Variants in CNTN5 observed in about 807,000 individuals in gnomAD.
The protein encoded by CNTN5 is contactin 5, also known as contactin-5.
In CNTN5, 77 loss-of-function variants were observed where a neutral mutation model predicts 129.1. The observed-to-expected ratio is 0.60, with a 90% CI of 0.50 to 0.72. CNTN5 has a LOEUF of 0.72. Ranked by LOEUF, CNTN5 falls within the 30% of genes least tolerant of loss-of-function variation. The pLI, the probability that CNTN5 is intolerant of heterozygous loss-of-function variation, is 0.00. For missense variants in CNTN5, 1,478 were observed against 1,328.8 expected (o/e 1.11, Z -1.75); for synonymous variants, 509 against 465.6 (o/e 1.09, Z -1.20).
At chr11:100,345,079 T>C (rs1424219899) in intron 23 of CNTN5, among the ~76,000 whole-genome samples, 2 of 152,122 alleles carry the variant, frequency 1.3e-5, no homozygotes, top group Non-Finnish European at 2.9e-5. Context: ...GAAAGCACTG[T>C]CTTAGTCCTT....
intron 3 of CNTN5, among the ~76,000 whole-genome samples, chr11:99,741,866 T>C (rs1253049489): frequency 2.0e-5 from 3 of 152,166 alleles, no homozygotes; most frequent in African/African-American, 7.2e-5. Flanking sequence ...TATATAGACA[T>C]GTGAACAGTT....
At chr11:100,161,587 A>ATAGAC (rs1272512923) in intron 13 of CNTN5, among the ~76,000 whole-genome samples, 1 of 151,386 alleles carries the variant, frequency 6.6e-6, no homozygotes, top group Non-Finnish European at 1.5e-5. Context: ...CTGACTTCAC[A>ATAGAC]TAGACAGTAG....
At chr11:99,263,163 A>G (rs535107204) in intron 1 of CNTN5, among the ~76,000 whole-genome samples, 1 of 152,188 alleles carries the variant, frequency 6.6e-6, no homozygotes, top group Admixed American at 6.6e-5. Context: ...GATATATCAG[A>G]TGGTTTTTAT....
chr11:99,389,224 C>A (rs1456869776), intron 2 of CNTN5, among the ~76,000 whole-genome samples: 1 of 151,742 alleles, frequency 6.6e-6, no homozygotes, highest in Non-Finnish European at 1.5e-5. Flanking sequence ...AGACAAGTTT[C>A]ACCATGTTGA....
intron 3 of CNTN5, among the ~76,000 whole-genome samples, chr11:99,560,429 T>A (rs1011899309): frequency 6.6e-6 from 1 of 151,990 alleles, no homozygotes; most frequent in East Asian, 1.9e-4. Context: ...GTAGCTGGGA[T>A]TACAGATGTG....
At chr11:99,406,796 A>G (rs1942090610) in intron 2 of CNTN5, among the ~76,000 whole-genome samples, 1 of 151,962 alleles carries the variant, frequency 6.6e-6, no homozygotes, top group African/African-American at 2.4e-5. Context: ...CTTCTCTCCC[A>G]TTTTCAAAGG....
chr11:99,788,951 C>A lies in CNTN5; in HGVS notation c.56-30593C>A, dbSNP rs576823546. 7.2e-5 allele frequency among the ~76,000 whole-genome samples: 11 copies of A among 151,842 alleles called. 1 individual carries two copies. The South Asian group carries it at 2.3e-3, about 32-fold the overall frequency. On this transcript the variant is annotated intron_variant, in intron 3 of 24. Coordinates refer to ENST00000524871, the MANE Select transcript of CNTN5 (RefSeq NM_014361.4). ...CTGAAAAAACGTTTCCAATAAGAGC[C>A]TCTCAAAATCTAGTAGCTTAATATT...
intron 1 of CNTN5, among the ~76,000 whole-genome samples, chr11:99,266,464 T>G (rs969012626): frequency 6.6e-6 from 1 of 152,014 alleles, no homozygotes; most frequent in Non-Finnish European, 1.5e-5. Context: ...TATCCAGGCA[T>G]GGTGGCATGC....
Position 99,484,489 on chromosome 11 carries a change from T to C in CNTN5, c.-70-71656T>C, listed in dbSNP as rs138900081. 5.9e-5 allele frequency among the ~76,000 whole-genome samples: 9 copies of C among 152,262 alleles called. No homozygotes were observed. The East Asian group carries it at 1.7e-3, about 29-fold the overall frequency. Reference sequence around the variant, plus strand: ...GCATGAAAATTCCTCAGAAAAACTATAAACAGTGTTACCATTTGATCTAGC... The same window carrying C: ...GCATGAAAATTCCTCAGAAAAACTACAAACAGTGTTACCATTTGATCTAGC... On this transcript the variant is annotated intron_variant, in intron 2 of 24. Coordinates refer to ENST00000524871, the MANE Select transcript of CNTN5 (RefSeq NM_014361.4).
At chr11:99,042,415 C>T (rs1481143552) in intron 1 of CNTN5, among the ~76,000 whole-genome samples, 1 of 135,436 alleles carries the variant, frequency 7.4e-6, no homozygotes, top group Non-Finnish European at 1.5e-5. Flanking sequence ...CTCTCTGTCA[C>T]CCCAGGCTGG....
chr11:99,528,939 C>A (rs1947593185), intron 2 of CNTN5, among the ~76,000 whole-genome samples: 2 of 138,380 alleles, frequency 1.4e-5, no homozygotes, highest in South Asian at 4.8e-4. Flanking sequence ...GTGGTGCATG[C>A]CCATAATACC....
At chr11:99,899,632 T>C (rs758611821) in intron 6 of CNTN5, among the ~76,000 whole-genome samples, 20 of 152,060 alleles carry the variant, frequency 1.3e-4, no homozygotes, top group Non-Finnish European at 2.8e-4. Flanking sequence ...TTTGCTAGTG[T>C]TTTGTTGAGG....
At chr11:99,052,546 A>T (rs1864470189) in intron 1 of CNTN5, among the ~76,000 whole-genome samples, 2 of 152,064 alleles carry the variant, frequency 1.3e-5, no homozygotes, top group Admixed American at 6.6e-5. Flanking sequence ...GTTTGTGCAT[A>T]CAACACTGAA....
intron 2 of CNTN5, among the ~76,000 whole-genome samples, chr11:99,369,219 T>TAA (rs1939672931): frequency 6.8e-6 from 1 of 146,274 alleles, no homozygotes; most frequent in South Asian, 2.1e-4. Context: ...TTATATATAA[T>TAA]ATATATATAT....
At chr11:99,734,995 G>A (rs1163583859) in intron 3 of CNTN5, among the ~76,000 whole-genome samples, 1 of 147,020 alleles carries the variant, frequency 6.8e-6, no homozygotes, top group Non-Finnish European at 1.5e-5. Context: ...GGGAAAGAGC[G>A]AGACTCCGTC....
chr11:99,923,488 T>C (rs1949985227), intron 7 of CNTN5, among the ~76,000 whole-genome samples: 1 of 152,204 alleles, frequency 6.6e-6, no homozygotes, highest in Non-Finnish European at 1.5e-5. Context: ...TCTACATAAA[T>C]AAGTCATTTA....
chr11:99,542,216 T>C (rs554529556), intron 2 of CNTN5, among the ~76,000 whole-genome samples: 1 of 152,108 alleles, frequency 6.6e-6, no homozygotes, highest in Non-Finnish European at 1.5e-5. Flanking sequence ...TCTAGCAATT[T>C]ATTGTTGACT....
chr11:99,261,964 A>G (rs1468269605), intron 1 of CNTN5, among the ~76,000 whole-genome samples: 1 of 151,994 alleles, frequency 6.6e-6, no homozygotes, highest in African/African-American at 2.4e-5. Context: ...AGGAGTCTCT[A>G]AGGATATTCC....
chr11:99,395,387 G>T (rs1941468145), intron 2 of CNTN5, among the ~76,000 whole-genome samples: 1 of 151,704 alleles, frequency 6.6e-6, no homozygotes, highest in African/African-American at 2.4e-5. Flanking sequence ...GAATGGTATT[G>T]TTTGTTGGTT....
Sources: allele counts gnomAD v4.1 joint callset (sites outside exome capture counted in the v4.1 genomes callset), GRCh38; gene constraint gnomAD v4.1.1; transcripts MANE v1.5; gene names NCBI Gene and HGNC (gene_info 2026-07-23, HGNC 2026-07-21).